Variants in RNFT2 observed in about 807,000 individuals in gnomAD.
RNFT2 encodes the protein ring finger protein, transmembrane 2, also known as E3 ubiquitin-protein ligase RNFT2.
In RNFT2, 36 loss-of-function variants were observed where a neutral mutation model predicts 53.0. The observed-to-expected ratio is 0.68, with a 90% CI of 0.52 to 0.90. The LOEUF is 0.90. RNFT2 is among the 40% of genes least tolerant of loss of function. The pLI is 0.00. For synonymous variants in RNFT2, 260 were observed against 253.2 expected, an observed-to-expected ratio of 1.03 and a Z score of -0.26; for missense variants, 514 against 585.6, an observed-to-expected ratio of 0.88 and a Z score of 1.26.
chr12:116,747,523 G>A (rs1034811547), intron 3 of RNFT2, among the ~76,000 whole-genome samples: 2 of 151,908 alleles, frequency 1.3e-5, no homozygotes, highest in African/African-American at 2.4e-5. Flanking sequence ...TGAGACCCCC[G>A]TCTCACTCTG....
chr12:116,774,972 G>A (rs1441065792), intron 6 of RNFT2, among the ~76,000 whole-genome samples: 1 of 151,366 alleles, frequency 6.6e-6, no homozygotes, highest in Non-Finnish European at 1.5e-5. Flanking sequence ...CTTAAGAGAG[G>A]AGCAACAGGC....
In RNFT2 at chr12:116,851,740, G is replaced by T. The variant is rs2137233416; in HGVS notation, c.*2292G>T. ...TGGGTGACAGAGTGAGTGAGACTCTGTCTAAAAAAAAAAAGAAAGAAAGAA... is the reference window on the plus strand; with the variant it reads ...TGGGTGACAGAGTGAGTGAGACTCTTTCTAAAAAAAAAAAGAAAGAAAGAA... On this transcript the variant is annotated 3_prime_UTR_variant, in exon 11 of 11. Coordinates refer to ENST00000257575, the MANE Select transcript of RNFT2 (RefSeq NM_001382266.1). 1 of 722,376 alleles carries T rather than the reference G, an allele frequency of 1.4e-6. No homozygotes were observed. Among genetic ancestry groups the T allele is most frequent in the East Asian group, 2.7e-5 (1 of 37,308 alleles). The allele number at this position is 722,376 out of a possible 1,614,324, so 44.7% of individuals were successfully genotyped here.
intron 4 of RNFT2, 95 bp from the exon 5 acceptor site, chr12:116,753,889 G>A (rs1872370843): frequency 1.1e-6 from 1 of 892,042 alleles, no homozygotes; most frequent in Non-Finnish European, 1.9e-6. Context: ...ACTCTGAGGG[G>A]ACCAGGGATG....
intron 5 of RNFT2, among the ~76,000 whole-genome samples, chr12:116,762,926 T>A (rs905980300): frequency 4.6e-5 from 7 of 152,186 alleles, no homozygotes; most frequent in Non-Finnish European, 7.3e-5. Flanking sequence ...AAAGTTTTTT[T>A]AAAAAGTTAG....
At chr12:116,798,031 G>T (rs73405130) in intron 7 of RNFT2, among the ~76,000 whole-genome samples, 4 of 151,972 alleles carry the variant, frequency 2.6e-5, no homozygotes, top group African/African-American at 9.7e-5. Context: ...CCCCATATCT[G>T]AGCCCCATCT....
chr12:116,785,307 G>A (rs1420789824), intron 7 of RNFT2, among the ~76,000 whole-genome samples: 3 of 139,004 alleles, frequency 2.2e-5, no homozygotes, highest in Admixed American at 1.4e-4. Flanking sequence ...GTTTTGTTTT[G>A]TTTGAGACAA....
In RNFT2 at chr12:116,835,961, C is replaced by A; in HGVS notation, c.1034C>A (p.Ser345Tyr). The A allele has an allele frequency of 1.9e-6, 3 of 1,613,986 alleles. No homozygotes were observed. Among genetic ancestry groups the A allele is most frequent in the Non-Finnish European group, 2.5e-6 (3 of 1,179,882 alleles). Reference protein sequence around the residue: ...VLIVLYSLCKSFDICGRVGGV... With the variant: ...VLIVLYSLCKYFDICGRVGGV... ...GCCACCACCCTGCTCTCCTTTCAGT[C>A]CTTCGACATCTGTGGACGTGTGGGC... The change falls in exon 9 of 11, where the codon TCC (serine) becomes TAC (tyrosine). Residue 345 changes from serine to tyrosine, a missense_variant and splice_region_variant. By Grantham distance (144) the Ser-to-Tyr change is moderately radical. Around this residue, in one of 3 missense-constraint regions of RNFT2, gnomAD observed 273 missense variants for 334.4 expected, o/e 0.82. Transcript: ENST00000257575.
chr12:116,831,209 AAG>A (rs1555209607), intron 7 of RNFT2, among the ~76,000 whole-genome samples: 1 of 151,240 alleles, frequency 6.6e-6, no homozygotes, highest in Non-Finnish European at 1.5e-5. Context: ...AAAAAAAAAA[AAG>A]AGAGAGAGAG....
chr12:116,851,547 T>C lies in RNFT2; in HGVS notation c.*2099T>C. ...TGAGGTCAAGAGTTCAAGACTAGCC[T>C]GGCCAACATGGCAAAACCCCCTCTT... On this transcript the variant is annotated 3_prime_UTR_variant, in exon 11 of 11. Coordinates refer to ENST00000257575, the MANE Select transcript of RNFT2 (RefSeq NM_001382266.1). 3 of 560,166 alleles carry C rather than the reference T, an allele frequency of 5.4e-6. No homozygotes were observed. Among genetic ancestry groups the C allele is most frequent in the Non-Finnish European group, 9.5e-6 (3 of 314,352 alleles). 34.7% of individuals were successfully genotyped at this position (560,166 alleles called of 1,614,324 possible).
rs764215148 is a variant in RNFT2, at chr12:116,740,539, G to T, written c.24+18G>T. 1.3e-6 allele frequency: 2 copies of T among 1,563,020 alleles called. No individual in the cohort carries two copies. On this transcript the variant is annotated intron_variant, in intron 2 of 10. Transcript: ENST00000257575. ...TGAATCAGGTGACACGTCTCCAAGAGAATTTGCATCTTTATTACTACTTGA... is the reference window on the plus strand; with the variant it reads ...TGAATCAGGTGACACGTCTCCAAGATAATTTGCATCTTTATTACTACTTGA...
At chr12:116,766,365 C>T (rs532134606) in intron 5 of RNFT2, among the ~76,000 whole-genome samples, 6 of 152,168 alleles carry the variant, frequency 3.9e-5, no homozygotes, top group Non-Finnish European at 8.8e-5. Context: ...GGTTTCTTAA[C>T]CTCTCTGTGC....
chr12:116,754,609 G>A (rs1315387456), intron 5 of RNFT2, among the ~76,000 whole-genome samples: 1 of 152,166 alleles, frequency 6.6e-6, no homozygotes, highest in Non-Finnish European at 1.5e-5. Context: ...CACCAGCAGT[G>A]TAGACGTGTT....
At chr12:116,747,099 C>T (rs1871937974) in intron 3 of RNFT2, among the ~76,000 whole-genome samples, 1 of 152,190 alleles carries the variant, frequency 6.6e-6, no homozygotes, top group African/African-American at 2.4e-5. Context: ...CTCTGTCACC[C>T]AGCCTGGAGT....
chr12:116,837,565 A>G (rs1877045218), intron 10 of RNFT2, among the ~76,000 whole-genome samples: 2 of 151,972 alleles, frequency 1.3e-5, no homozygotes, highest in African/African-American at 4.8e-5. Flanking sequence ...TGGAAGGGGG[A>G]GGTTGTTTTT....
intron 7 of RNFT2, among the ~76,000 whole-genome samples, chr12:116,809,288 G>A (rs868239374): frequency 7.2e-5 from 11 of 152,178 alleles, no homozygotes; most frequent in South Asian, 4.1e-4. Flanking sequence ...GTTTGAACTC[G>A]ATTCCTGGTG....
intron 7 of RNFT2, among the ~76,000 whole-genome samples, chr12:116,787,163 T>C (rs1873971578): frequency 6.6e-6 from 1 of 152,170 alleles, no homozygotes; most frequent in Non-Finnish European, 1.5e-5. Flanking sequence ...GTGAGATAGT[T>C]TGTCCAAAAA....
intron 3 of RNFT2, among the ~76,000 whole-genome samples, chr12:116,749,315 T>C (rs1872063648): frequency 1.6e-5 from 2 of 122,400 alleles, no homozygotes; most frequent in South Asian, 5.7e-4. Flanking sequence ...AGGCTCTCTG[T>C]CGCCCAGGCT....
intron 5 of RNFT2, chr12:116,755,621 A>T (rs1872471238): frequency 3.8e-6 from 4 of 1,065,546 alleles, no homozygotes; most frequent in Non-Finnish European, 5.8e-6. Flanking sequence ...TCTCTCGGCA[A>T]GAATCTTGCC....
Position 116,849,301 on chromosome 12 carries a change from G to C in RNFT2, c.1201-13G>C. ...TAAAGAGTCCTGGTGCCTGCTGATT[G>C]CTGTCCCCGCAGCACGTGTTCTGTG... On this transcript the variant is annotated splice_polypyrimidine_tract_variant and intron_variant, in intron 10 of 10. Transcript: ENST00000257575. The C allele has an allele frequency of 1.3e-6, 2 of 1,528,726 alleles. No individual in the cohort carries two copies. Among genetic ancestry groups the C allele is most frequent in the Non-Finnish European group, 1.8e-6 (2 of 1,137,844 alleles). 94.7% of individuals were successfully genotyped at this position (1,528,726 alleles called of 1,614,324 possible).
Sources: gnomAD v4.1 joint callset for allele counts (sites outside exome capture counted in the v4.1 genomes callset) on GRCh38, gnomAD v4.1.1 for gene constraint, gnomAD v4.1.1 regional missense constraint, MANE v1.5 for transcripts, NCBI Gene and HGNC (gene_info 2026-07-23, HGNC 2026-07-21) for gene names.